CHRM3: variants seen among roughly 807,000 people sequenced by gnomAD.
CHRM3 encodes the protein muscarinic acetylcholine receptor M3.
CHRM3 carries 11 observed loss-of-function variants against 41.8 expected under a neutral mutation model. That is an observed-to-expected ratio of 0.26 (90% CI 0.17 to 0.44). CHRM3 has a LOEUF of 0.44. Ranked by LOEUF, CHRM3 falls within the 20% of genes least tolerant of loss-of-function variation. CHRM3 has a pLI of 1.00. For missense variants in CHRM3, 571 were observed against 745.4 expected, an observed-to-expected ratio of 0.77 and a Z score of 2.72; for synonymous variants, 297 against 301.4, an observed-to-expected ratio of 0.99 and a Z score of 0.15.
intron 6 of CHRM3, among the ~76,000 whole-genome samples, chr1:239,840,542 A>G (rs902957204): frequency 1.2e-4 from 18 of 152,334 alleles, no homozygotes; most frequent in East Asian, 5.8e-4. Context: ...AATGCTGTCT[A>G]CTGCCCTGGA....
At chr1:239,521,904 G>A (rs905451138) in intron 2 of CHRM3, among the ~76,000 whole-genome samples, 4 of 152,186 alleles carry the variant, frequency 2.6e-5, no homozygotes, top group Non-Finnish European at 4.4e-5. Flanking sequence ...AATATGCATA[G>A]GGTATATGCA....
At chr1:239,813,233 G>A (rs1178718661) in intron 5 of CHRM3, among the ~76,000 whole-genome samples, 1 of 152,066 alleles carries the variant, frequency 6.6e-6, no homozygotes, top group Non-Finnish European at 1.5e-5. Flanking sequence ...AGCCGACATT[G>A]TGCCACCGCA....
intron 3 of CHRM3, among the ~76,000 whole-genome samples, chr1:239,615,257 T>A (rs1168900435): frequency 6.6e-6 from 1 of 152,216 alleles, no homozygotes; most frequent in Non-Finnish European, 1.5e-5. Flanking sequence ...TTATGTAAGG[T>A]GAGCATCTCT....
chr1:239,500,204 C>T (rs1358012604), intron 2 of CHRM3, among the ~76,000 whole-genome samples: 1 of 152,098 alleles, frequency 6.6e-6, no homozygotes, highest in African/African-American at 2.4e-5. Flanking sequence ...ATAGCGAAGA[C>T]TTGGAACCAA....
At chr1:239,467,704 A>G (rs1225648859) in intron 1 of CHRM3, among the ~76,000 whole-genome samples, 1 of 152,226 alleles carries the variant, frequency 6.6e-6, no homozygotes, top group East Asian at 1.9e-4. Flanking sequence ...GCTTTATTTT[A>G]AAGTGCACAG....
intron 1 of CHRM3, among the ~76,000 whole-genome samples, chr1:239,486,760 C>T (rs1184136793): frequency 1.3e-5 from 2 of 152,172 alleles, no homozygotes; most frequent in African/African-American, 4.8e-5. Context: ...ACTTTCTGCT[C>T]TCTGATGCTT....
intron 2 of CHRM3, among the ~76,000 whole-genome samples, chr1:239,531,024 A>G (rs1670366659): frequency 1.3e-5 from 2 of 152,184 alleles, no homozygotes; most frequent in Non-Finnish European, 2.9e-5. Context: ...ATGTCCAAAC[A>G]CATCATGATC....
intron 2 of CHRM3, among the ~76,000 whole-genome samples, chr1:239,534,047 G>A (rs1657951198): frequency 6.6e-6 from 1 of 152,180 alleles, no homozygotes; most frequent in African/African-American, 2.4e-5. Flanking sequence ...TCGTTTTAGG[G>A]CTGGGTGCAG....
intron 1 of CHRM3, among the ~76,000 whole-genome samples, chr1:239,407,039 A>C (rs564169075): frequency 1.3e-5 from 2 of 152,122 alleles, no homozygotes; most frequent in Non-Finnish European, 2.9e-5. Flanking sequence ...TCCAGGCAAA[A>C]CTAACCTTAC....
Position 239,387,132 on chromosome 1 carries a change from C to A in CHRM3, c.-616C>A, listed in dbSNP as rs1658574325. ...GGACAGTCGCTCCCTGAACGCGGAG[C>A]CGGAGGAGACGAAGGGAAGGTGGAG... is the stretch of plus-strand genomic sequence containing the variant. On this transcript the variant is annotated 5_prime_UTR_variant, in exon 1 of 7. Transcript: ENST00000676153. The surrounding 1 kb of genome is among the most constrained non-coding windows in gnomAD (Gnocchi z 5.1). The A allele has an allele frequency of 6.6e-6, 1 of 152,210 alleles. No homozygotes were observed. The highest frequency in any genetic ancestry group is 2.4e-5 in the African/African-American group (1 of 41,432). The allele number at this position is 152,210 out of a possible 1,614,324, so 9.4% of individuals were successfully genotyped here. A position where few individuals can be genotyped will look rare whatever the true frequency, so the allele number is the denominator to read the frequency against.
At chr1:239,889,753 CTCAA>C (rs1427054764) in intron 6 of CHRM3, among the ~76,000 whole-genome samples, 1 of 152,092 alleles carries the variant, frequency 6.6e-6, no homozygotes, top group Non-Finnish European at 1.5e-5. Flanking sequence ...TGCTTATGAG[CTCAA>C]TCAGAAATTT....
chr1:239,879,128 G>C (rs1290614199), intron 6 of CHRM3, among the ~76,000 whole-genome samples: 2 of 152,126 alleles, frequency 1.3e-5, no homozygotes, highest in African/African-American at 4.8e-5. Flanking sequence ...GCCCAAGAAT[G>C]TGCATTTCCA....
intron 1 of CHRM3, among the ~76,000 whole-genome samples, chr1:239,456,277 C>T (rs1572366069): frequency 6.6e-6 from 1 of 152,188 alleles, no homozygotes; most frequent in African/African-American, 2.4e-5. Context: ...GAGCAACTTC[C>T]AATCCTGCAA....
intron 5 of CHRM3, among the ~76,000 whole-genome samples, chr1:239,767,451 T>C (rs1228828554): frequency 6.6e-6 from 1 of 152,264 alleles, no homozygotes; most frequent in East Asian, 1.9e-4. Context: ...TTTCCTATAA[T>C]AAAAACAGCT....
rs149691493 is a variant in CHRM3, at chr1:239,772,519, G to A, written c.-146-54733G>A. The stretch of plus-strand genomic sequence containing the variant: ...AGTTATCTTACAGAAAAACGTTGAA[G>A]TAATGAATCATCTCCCCAGATCCGA... On this transcript the variant is annotated intron_variant, in intron 5 of 6. Coordinates refer to ENST00000676153, the MANE Select transcript of CHRM3 (RefSeq NM_001375978.1). Among the ~76,000 whole-genome samples the A allele has an allele frequency of 3.4e-3, 522 of 152,270 alleles. 7 individuals carry two copies. Among genetic ancestry groups the A allele is most frequent in the African/African-American group, 0.012 (503 of 41,552 alleles).
rs144643211 is a variant in CHRM3 at position 239,901,006 on chromosome 1, G to A, written c.-19-6427G>A. Among the ~76,000 whole-genome samples the A allele has an allele frequency of 5.5e-4, 84 of 152,076 alleles. 1 individual carries two copies. In the East Asian group the frequency reaches 9.7e-3, roughly 18 times the overall value. Reference sequence around the variant, plus strand: ...TCTCAACACTGAAATCAAGGTGTTCGCCCAGCTGAGTTTACGTCTTAGGCA... The same window carrying A: ...TCTCAACACTGAAATCAAGGTGTTCACCCAGCTGAGTTTACGTCTTAGGCA... On this transcript the variant is annotated intron_variant, in intron 6 of 6. Coordinates refer to ENST00000676153, the MANE Select transcript of CHRM3 (RefSeq NM_001375978.1).
intron 3 of CHRM3, among the ~76,000 whole-genome samples, chr1:239,580,213 CAA>C (rs1398852829): frequency 6.6e-6 from 1 of 150,900 alleles, no homozygotes; most frequent in Non-Finnish European, 1.5e-5. Context: ...CATATTTTCC[CAA>C]GTCTTTTGTA....
chr1:239,759,323 A>G (rs1480847078), intron 5 of CHRM3, among the ~76,000 whole-genome samples: 1 of 151,456 alleles, frequency 6.6e-6, no homozygotes, highest in Non-Finnish European at 1.5e-5. Context: ...TTGAAAAAAA[A>G]AAAAGCTACT....
chr1:239,776,469 A>G (rs1558112211), intron 5 of CHRM3, among the ~76,000 whole-genome samples: 1 of 152,148 alleles, frequency 6.6e-6, no homozygotes, highest in Non-Finnish European at 1.5e-5. Flanking sequence ...CTCTTTCTTA[A>G]TGTGGCTGCT....
Sources: allele counts gnomAD v4.1 joint callset (sites outside exome capture counted in the v4.1 genomes callset), GRCh38; gene constraint gnomAD v4.1.1; non-coding constraint Gnocchi (gnomAD v3.1); transcripts MANE v1.5; gene names NCBI Gene and HGNC (gene_info 2026-07-23, HGNC 2026-07-21).